The following HSD17B12 variants were observed in gnomAD, a reference collection of about 807,000 sequenced individuals.
HSD17B12 encodes very-long-chain 3-oxoacyl-CoA reductase.
In HSD17B12, 32 loss-of-function variants were observed where a neutral mutation model predicts 39.3. The ratio of observed to expected loss-of-function variants is 0.81; its 90% CI spans 0.61 to 1.09. The LOEUF is 1.09. Among genes scored for constraint, HSD17B12 ranks in the 50% least tolerant of loss-of-function variants. The pLI is 0.00. For missense variants in HSD17B12, 342 were observed against 382.9 expected, an observed-to-expected ratio of 0.89 and a Z score of 0.89; for synonymous variants, 150 against 146.7, an observed-to-expected ratio of 1.02 and a Z score of -0.16.
the HSD17B12 span, among the ~76,000 whole-genome samples, chr11:43,633,245 C>T: frequency 8.5e-5 from 13 of 152,270 alleles, 1 homozygote; most frequent in East Asian, 2.5e-3. Flanking sequence ...AATTTAAAGA[C>T]AACAGGCCAG....
chr11:43,557,374 A>T, the HSD17B12 span, among the ~76,000 whole-genome samples: 1 of 152,188 alleles, frequency 6.6e-6, no homozygotes, highest in African/African-American at 2.4e-5. Flanking sequence ...TTTAGTTCCA[A>T]AAAGGCTTCA....
the HSD17B12 span, among the ~76,000 whole-genome samples, chr11:43,596,467 C>T: frequency 2.0e-5 from 3 of 152,138 alleles, no homozygotes; most frequent in African/African-American, 7.2e-5. Context: ...GGGTCTCGCT[C>T]TGTTGCCCAG....
chr11:43,789,972 G>A (rs940554701), intron 3 of HSD17B12, among the ~76,000 whole-genome samples: 1 of 152,062 alleles, frequency 6.6e-6, no homozygotes, highest in Non-Finnish European at 1.5e-5. Flanking sequence ...AGAGAGAAGC[G>A]TGACTGTCAG....
intron 1 of HSD17B12, among the ~76,000 whole-genome samples, chr11:43,688,751 A>G (rs1370472169): frequency 1.3e-5 from 2 of 152,198 alleles, no homozygotes; most frequent in African/African-American, 4.8e-5. Context: ...TCAGTGGGCA[A>G]GCTGTGCTGT....
chr11:43,692,164 G>C (rs944382564), intron 1 of HSD17B12, among the ~76,000 whole-genome samples: 1 of 152,186 alleles, frequency 6.6e-6, no homozygotes, highest in Non-Finnish European at 1.5e-5. Context: ...TATTTCATGA[G>C]TGAATACTTT....
chr11:43,704,695 T>C (rs1949997774), intron 1 of HSD17B12, among the ~76,000 whole-genome samples: 1 of 152,160 alleles, frequency 6.6e-6, no homozygotes, highest in Non-Finnish European at 1.5e-5. Context: ...CAATGAGATA[T>C]GAGAGGAGAT....
At chr11:43,825,379 T>C (rs1358118921) in intron 6 of HSD17B12, among the ~76,000 whole-genome samples, 1 of 152,160 alleles carries the variant, frequency 6.6e-6, no homozygotes, top group Non-Finnish European at 1.5e-5. Context: ...ACGGAAACAT[T>C]TGTTTTTCTC....
At chr11:43,698,905 C>T (rs1159801517) in intron 1 of HSD17B12, among the ~76,000 whole-genome samples, 1 of 152,116 alleles carries the variant, frequency 6.6e-6, no homozygotes, top group Admixed American at 6.5e-5. Context: ...ATGTGATTAT[C>T]TAATATATAT....
intron 9 of HSD17B12, chr11:43,854,335 G>A (rs999368133): frequency 6.0e-6 from 1 of 165,910 alleles, no homozygotes; most frequent in African/African-American, 2.4e-5. Flanking sequence ...GAAGAATAAA[G>A]TATCAAAGAT....
chr11:43,618,567 C>T, the HSD17B12 span, among the ~76,000 whole-genome samples: 2 of 152,120 alleles, frequency 1.3e-5, no homozygotes, highest in African/African-American at 4.8e-5. Flanking sequence ...GAGAGTCACC[C>T]ATGGTAATAA....
the HSD17B12 span, among the ~76,000 whole-genome samples, chr11:43,587,317 A>G: frequency 1.5e-5 from 1 of 66,642 alleles, no homozygotes; most frequent in South Asian, 3.5e-4. Context: ...AGCAAAAAGG[A>G]AAAAAAAAAC....
intron 4 of HSD17B12, among the ~76,000 whole-genome samples, chr11:43,813,728 G>A (rs370374936): frequency 6.6e-6 from 1 of 152,186 alleles, no homozygotes; most frequent in African/African-American, 2.4e-5. Context: ...TGGGATGCCT[G>A]GTGGGTGGAG....
the HSD17B12 span, among the ~76,000 whole-genome samples, chr11:43,580,915 G>C: frequency 1.3e-5 from 2 of 152,026 alleles, no homozygotes; most frequent in Non-Finnish European, 2.9e-5. Context: ...TTAGTGCTCT[G>C]GGGGAGTTTT....
intron 4 of HSD17B12, among the ~76,000 whole-genome samples, chr11:43,799,019 G>A (rs532485853): frequency 6.6e-6 from 1 of 151,988 alleles, no homozygotes; most frequent in African/African-American, 2.4e-5. Context: ...TAGGACTGAT[G>A]GTAGTTATAT....
At chr11:43,582,302 C>T in the HSD17B12 span, among the ~76,000 whole-genome samples, 3 of 152,214 alleles carry the variant, frequency 2.0e-5, no homozygotes, top group African/African-American at 4.8e-5. Context: ...AGCCCCATCC[C>T]GGCCTCTCCA....
At chr11:43,664,625 T>G in the HSD17B12 span, among the ~76,000 whole-genome samples, 6 of 152,232 alleles carry the variant, frequency 3.9e-5, no homozygotes, top group Admixed American at 1.3e-4. Flanking sequence ...TTCTTGCTTA[T>G]GAAGTTGCTC....
chr11:43,568,120 C>T, the HSD17B12 span, among the ~76,000 whole-genome samples: 7 of 151,694 alleles, frequency 4.6e-5, no homozygotes, highest in African/African-American at 1.2e-4. Context: ...TTATTTAAGA[C>T]GAACTCTCAC....
intron 1 of HSD17B12, among the ~76,000 whole-genome samples, chr11:43,695,662 T>G (rs1949904507): frequency 7.4e-6 from 1 of 135,356 alleles, no homozygotes; most frequent in South Asian, 2.4e-4. Flanking sequence ...GAAGAGGATG[T>G]TCTAATTAGT....
chr11:43,821,611 A>G (rs1249347633), intron 6 of HSD17B12, among the ~76,000 whole-genome samples: 1 of 152,328 alleles, frequency 6.6e-6, no homozygotes, highest in East Asian at 1.9e-4. Context: ...CCATCCCAGA[A>G]TACTGAGAGA....
Sources: allele counts gnomAD v4.1 joint callset (sites outside exome capture counted in the v4.1 genomes callset), GRCh38; gene constraint gnomAD v4.1.1; transcripts MANE v1.5; gene names NCBI Gene and HGNC (gene_info 2026-07-23, HGNC 2026-07-21).